The following PSD3 variants were observed in gnomAD, a reference collection of about 807,000 sequenced individuals.
PSD3 encodes the protein PH and SEC7 domain-containing protein 3.
PSD3 carries 49 observed loss-of-function variants against 105.5 expected under a neutral mutation model. The ratio of observed to expected loss-of-function variants is 0.46; its 90% CI spans 0.37 to 0.59. The LOEUF is 0.59. Ranked by LOEUF, PSD3 falls within the 20% of genes least tolerant of loss-of-function variation. PSD3 has a pLI of 0.00. For synonymous variants in PSD3, 557 were observed against 457.8 expected, an observed-to-expected ratio of 1.22 and a Z score of -2.77; for missense variants, 1,561 against 1,263.8, an observed-to-expected ratio of 1.24 and a Z score of -3.57.
At chr8:18,678,788 G>A (rs1039696269) in intron 9 of PSD3, among the ~76,000 whole-genome samples, 1 of 150,412 alleles carries the variant, frequency 6.6e-6, no homozygotes, top group Admixed American at 6.7e-5. Context: ...CTCCAGCCTG[G>A]GCAACAAAAG....
chr8:18,893,397 C>T (rs1818937356), intron 2 of PSD3, among the ~76,000 whole-genome samples: 1 of 152,206 alleles, frequency 6.6e-6, no homozygotes, highest in Non-Finnish European at 1.5e-5. Context: ...GCAACAGGAA[C>T]CAGCCAGAAG....
In PSD3 at chr8:18,867,816, CT is replaced by C; in HGVS notation, c.1491del (p.Gly499GlufsTer7). On this transcript the variant is annotated frameshift_variant, in exon 4 of 16. Transcript: ENST00000327040. LOFTEE classifies it high-confidence loss of function. ...KEGGQFLERT[S>X]GGGHQDILSV... ...CTCAGGATATCCTGATGTCCTCCCC[CT>C]GATGTCCTCTCCAAGAACTGACCAC... 1.2e-6 allele frequency: 2 copies of C among 1,614,160 alleles called. No homozygotes were observed. The highest frequency in any genetic ancestry group is 1.7e-6 in the Non-Finnish European group (2 of 1,180,030).
intron 1 of PSD3, among the ~76,000 whole-genome samples, chr8:19,043,131 C>T (rs918219009): frequency 1.3e-5 from 2 of 152,182 alleles, no homozygotes; most frequent in Non-Finnish European, 2.9e-5. Context: ...AGACTTGAAG[C>T]CTACTAACCA....
chr8:19,053,075 G>A (rs1038219589), intron 1 of PSD3, among the ~76,000 whole-genome samples: 1 of 152,144 alleles, frequency 6.6e-6, no homozygotes. Context: ...GTGGCTAGGA[G>A]GTTGTAGTCT....
Position 18,568,927 on chromosome 8 carries a change from G to A in PSD3, c.2784+3601C>T, listed in dbSNP as rs1374087473. Among the ~76,000 whole-genome samples the A allele has an allele frequency of 1.3e-4, 20 of 148,218 alleles. No homozygotes were observed. In the East Asian group the frequency reaches 2.4e-3, roughly 18 times the overall value. ...TGTGTCCATGTGATCTCACTGTTCA[G>A]TTCCCACCTATGAGTGAGAATATGT... On this transcript the variant is annotated intron_variant, in intron 14 of 15. Coordinates refer to ENST00000327040, the MANE Select transcript of PSD3 (RefSeq NM_015310.4).
At chr8:18,954,125 A>G (rs1348078413) in intron 1 of PSD3, among the ~76,000 whole-genome samples, 1 of 152,152 alleles carries the variant, frequency 6.6e-6, no homozygotes, top group Non-Finnish European at 1.5e-5. Context: ...CATCCCCATC[A>G]TAAGTTGAAA....
At chr8:18,586,127 G>A (rs1375352584) in intron 12 of PSD3, among the ~76,000 whole-genome samples, 3 of 152,076 alleles carry the variant, frequency 2.0e-5, no homozygotes, top group African/African-American at 7.2e-5. Context: ...AACACAGGGC[G>A]GCCACAACCT....
At chr8:18,792,582 G>A (rs901072462) in intron 8 of PSD3, among the ~76,000 whole-genome samples, 1 of 152,160 alleles carries the variant, frequency 6.6e-6, no homozygotes, top group African/African-American at 2.4e-5. Flanking sequence ...GGTGGGAGGA[G>A]TAAGAACATC....
intron 12 of PSD3, among the ~76,000 whole-genome samples, chr8:18,598,931 T>C (rs1325121144): frequency 6.6e-6 from 1 of 152,062 alleles, no homozygotes; most frequent in African/African-American, 2.4e-5. Flanking sequence ...TCTTCAGGGA[T>C]TCAGGATTCA....
intron 11 of PSD3, among the ~76,000 whole-genome samples, chr8:18,611,644 T>A (rs1805273831): frequency 1.3e-5 from 2 of 152,200 alleles, no homozygotes; most frequent in African/African-American, 4.8e-5. Flanking sequence ...CAAATTTTCA[T>A]GCTAAAACAC....
intron 6 of PSD3, chr8:18,802,185 A>G (rs181414903): frequency 9.8e-6 from 2 of 204,462 alleles, no homozygotes; most frequent in East Asian, 1.0e-4. Context: ...ATTGGGAGAT[A>G]TAAGTAATTT....
chr8:18,608,301 C>A (rs1377266676), intron 11 of PSD3, among the ~76,000 whole-genome samples: 1 of 152,174 alleles, frequency 6.6e-6, no homozygotes, highest in African/African-American at 2.4e-5. Flanking sequence ...ATTGAAGGGA[C>A]ATCCACAGTA....
chr8:18,622,875 C>G (rs1398352245), intron 11 of PSD3, among the ~76,000 whole-genome samples: 1 of 152,194 alleles, frequency 6.6e-6, no homozygotes, highest in Non-Finnish European at 1.5e-5. Context: ...CTTCTATCAT[C>G]TGTACTCTTA....
At chr8:19,061,309 T>C (rs1028206375) in intron 1 of PSD3, among the ~76,000 whole-genome samples, 2 of 151,958 alleles carry the variant, frequency 1.3e-5, no homozygotes, top group African/African-American at 4.8e-5. Context: ...AGAATAAAAA[T>C]AAAAATATTT....
intron 10 of PSD3, among the ~76,000 whole-genome samples, chr8:18,651,750 G>C (rs1403024103): frequency 6.6e-6 from 1 of 152,182 alleles, no homozygotes; most frequent in African/African-American, 2.4e-5. Flanking sequence ...CAAGAAAACA[G>C]ATGGAATAGG....
intron 1 of PSD3, among the ~76,000 whole-genome samples, chr8:19,076,948 C>T (rs1471572600): frequency 5.3e-5 from 8 of 152,186 alleles, no homozygotes; most frequent in African/African-American, 1.9e-4. Context: ...CTTTTCTAAT[C>T]TCAACCTCAT....
intron 15 of PSD3, among the ~76,000 whole-genome samples, chr8:18,544,585 T>C (rs1004490571): frequency 6.6e-6 from 1 of 152,206 alleles, no homozygotes; most frequent in African/African-American, 2.4e-5. Context: ...TTCCGTTCTT[T>C]TGATTCATTC....
chr8:19,032,006 G>C (rs1005598266), intron 1 of PSD3, among the ~76,000 whole-genome samples: 1 of 152,064 alleles, frequency 6.6e-6, no homozygotes, highest in Non-Finnish European at 1.5e-5. Context: ...AGCCTGCTTA[G>C]GGAAATCCTT....
At chr8:19,033,072 C>A (rs183539975) in intron 1 of PSD3, among the ~76,000 whole-genome samples, 1 of 151,928 alleles carries the variant, frequency 6.6e-6, no homozygotes, top group Non-Finnish European at 1.5e-5. Context: ...CTGAACATAG[C>A]AAGACCCTAT....
Sources: gnomAD v4.1 joint callset for allele counts (sites outside exome capture counted in the v4.1 genomes callset) on GRCh38, gnomAD v4.1.1 for gene constraint, MANE v1.5 for transcripts, NCBI Gene and HGNC (gene_info 2026-07-23, HGNC 2026-07-21) for gene names.